Variants in WNT3A observed in about 807,000 individuals in gnomAD.
WNT3A encodes protein Wnt-3a.
In WNT3A, 17 loss-of-function variants were observed where a neutral mutation model predicts 37.0. That is an observed-to-expected ratio of 0.46 (90% CI 0.31 to 0.69). The LOEUF is 0.69. Ranked by LOEUF, WNT3A falls within the 30% of genes least tolerant of loss-of-function variation. The pLI is 0.05. For missense variants in WNT3A, 411 were observed against 510.2 expected (o/e 0.81, Z 1.87); for synonymous variants, 187 against 211.0 (o/e 0.89, Z 0.99).
At chr1:228,036,503 T>G (rs143468488) in intron 2 of WNT3A, among the ~76,000 whole-genome samples, 1,843 of 152,238 alleles carry the variant, frequency 0.012, 17 homozygotes, top group Middle Eastern at 0.02. Context: ...GCCACCAGAC[T>G]GAGGCTGGGA....
intron 3 of WNT3A, among the ~76,000 whole-genome samples, chr1:228,051,604 TGG>T (rs995722897): frequency 1.3e-5 from 2 of 152,176 alleles, no homozygotes; most frequent in African/African-American, 4.8e-5. Context: ...CTGCTCCTCA[TGG>T]ATGATGCCTT....
chr1:228,048,450 C>G (rs941870975), intron 2 of WNT3A, among the ~76,000 whole-genome samples: 13 of 152,254 alleles, frequency 8.5e-5, no homozygotes, highest in African/African-American at 3.1e-4. Flanking sequence ...AGGTCAGGCT[C>G]TTTCCTGGTT....
intron 2 of WNT3A, among the ~76,000 whole-genome samples, chr1:228,046,043 G>A (rs2031396352): frequency 6.6e-6 from 1 of 152,208 alleles, no homozygotes; most frequent in African/African-American, 2.4e-5. Context: ...ATCCCTGGCC[G>A]CTCCCCTCAG....
chr1:228,049,767 C>G (rs1377832286), intron 2 of WNT3A, among the ~76,000 whole-genome samples: 2 of 152,144 alleles, frequency 1.3e-5, no homozygotes, highest in Non-Finnish European at 2.9e-5. Context: ...GACCATCTTT[C>G]CAGGTGCATG....
At chr1:228,024,367 G>A (rs754958786) in intron 2 of WNT3A, among the ~76,000 whole-genome samples, 10 of 152,236 alleles carry the variant, frequency 6.6e-5, no homozygotes, top group Non-Finnish European at 1.5e-5. Flanking sequence ...CCATCCTAGA[G>A]TGTGAAGTAG....
chr1:228,039,223 T>A lies in WNT3A; in HGVS notation c.314-11433T>A, dbSNP rs2031217803. Among the ~76,000 whole-genome samples the A allele has an allele frequency of 2.6e-5, 4 of 152,038 alleles. No homozygotes were observed. On this transcript the variant is annotated intron_variant, in intron 2 of 3. Transcript: ENST00000284523. This position sits in a 1 kb window ranked among gnomAD's most constrained non-coding sequence, Gnocchi z 4.1. ...CATGGGTCAACATCAAGAAGCAGAC[T>A]GGGCAAAGGCGGCATCCCAAGCTCC... is the stretch of plus-strand genomic sequence containing the variant.
intron 2 of WNT3A, among the ~76,000 whole-genome samples, chr1:228,023,420 G>GA (rs1250599155): frequency 2.0e-5 from 3 of 151,822 alleles, no homozygotes; most frequent in African/African-American, 7.3e-5. Flanking sequence ...GAGAGACAGA[G>GA]AAAGACACAC....
chr1:228,045,724 G>T (rs553826518), intron 2 of WNT3A, among the ~76,000 whole-genome samples: 1 of 152,206 alleles, frequency 6.6e-6, no homozygotes, highest in Non-Finnish European at 1.5e-5. Context: ...AGGTGCGGAG[G>T]AGGTGGCTGC....
At chr1:228,034,258 T>C (rs1008618114) in intron 2 of WNT3A, among the ~76,000 whole-genome samples, 2 of 152,078 alleles carry the variant, frequency 1.3e-5, no homozygotes, top group Non-Finnish European at 2.9e-5. Context: ...TGAGACTCTG[T>C]CTCAAAAAAA....
intron 1 of WNT3A, among the ~76,000 whole-genome samples, chr1:228,011,546 A>G (rs529104871): frequency 5.3e-5 from 8 of 149,640 alleles, no homozygotes; most frequent in African/African-American, 1.7e-4. Flanking sequence ...TCTTCCCTGT[A>G]TCTGTCTCTG....
chr1:228,030,841 C>G (rs1386131159), intron 2 of WNT3A, among the ~76,000 whole-genome samples: 2 of 152,262 alleles, frequency 1.3e-5, no homozygotes, highest in Non-Finnish European at 2.9e-5. Flanking sequence ...GCTTCACAGC[C>G]TCTGGTCAGC....
At chr1:228,018,524 C>G (rs762905569) in intron 1 of WNT3A, among the ~76,000 whole-genome samples, 1 of 151,954 alleles carries the variant, frequency 6.6e-6, no homozygotes, top group Non-Finnish European at 1.5e-5. Flanking sequence ...TCCCAAGCAG[C>G]GGGGACTACA....
At chr1:228,009,668 C>A (rs990611693) in intron 1 of WNT3A, among the ~76,000 whole-genome samples, 8 of 152,172 alleles carry the variant, frequency 5.3e-5, no homozygotes, top group Non-Finnish European at 1.0e-4. Flanking sequence ...CCACCATCAC[C>A]GGCACATGAA....
At chr1:228,054,627 C>CAAA (rs61497242) in intron 3 of WNT3A, among the ~76,000 whole-genome samples, 4 of 58,502 alleles carry the variant, frequency 6.8e-5, no homozygotes, top group African/African-American at 1.3e-4. Context: ...GACTCTGTCT[C>CAAA]AAAAAAAAAA....
rs1033989725 is a variant in WNT3A, at chr1:228,059,435, G to T, written c.1029G>T (p.Thr343=). Residue 343 remains threonine (T), a synonymous_variant, in exon 4 of 4, where the codon ACG becomes ACT. Coordinates refer to ENST00000284523, the MANE Select transcript of WNT3A (RefSeq NM_033131.4). ...GCTACGTCAGCTGCCAGGAGTGCAC[G>T]CGCGTCTACGACGTGCACACCTGCA... ...WCCYVSCQEC[T]RVYDVHTCK is the part of the protein sequence containing the mutation. The T allele has an allele frequency of 6.5e-7, 1 of 1,534,528 alleles. No homozygotes were observed. The highest frequency in any genetic ancestry group is 1.2e-5 in the South Asian group (1 of 80,050).
At position 228,022,809 on chromosome 1, in the gene WNT3A, A is replaced by G. The variant is rs772847803; in HGVS notation, c.214A>G (p.Ile72Val). The G allele has an allele frequency of 3.1e-6, 5 of 1,613,994 alleles. No homozygotes were observed. The highest frequency in any genetic ancestry group is 2.2e-5 in the East Asian group (1 of 44,900). The change falls in exon 2 of 4, where the codon ATT (isoleucine) becomes GTT (valine). Residue 72 changes from isoleucine to valine, a missense_variant. Ile to Val is a conservative substitution (Grantham distance 29). Coordinates refer to ENST00000284523, the MANE Select transcript of WNT3A (RefSeq NM_033131.4). ...GCCCAGCGTGGCCGAGGGCATCAAG[A>G]TTGGCATCCAGGAGTGCCAGCACCA... ...IMPSVAEGIK[I>V]GIQECQHQFR...
intron 3 of WNT3A, 147 bp downstream of exon 3, chr1:228,051,068 C>A: frequency 1.8e-6 from 2 of 1,099,560 alleles, no homozygotes; most frequent in Non-Finnish European, 2.5e-6. Context: ...GTGTGCGAAG[C>A]TTAGCACCAT....
intron 1 of WNT3A, among the ~76,000 whole-genome samples, chr1:228,009,371 T>C (rs879535530): frequency 2.0e-5 from 3 of 152,198 alleles, no homozygotes; most frequent in Non-Finnish European, 4.4e-5. Context: ...GCTGGACCCC[T>C]GCCGCTGGCA....
At chr1:228,026,789 T>C (rs2030863054) in intron 2 of WNT3A, among the ~76,000 whole-genome samples, 1 of 152,238 alleles carries the variant, frequency 6.6e-6, no homozygotes, top group Admixed American at 6.5e-5. Flanking sequence ...AATGACATTA[T>C]GTAAATCCTG....
Sources: gnomAD v4.1 joint callset for allele counts (sites outside exome capture counted in the v4.1 genomes callset) on GRCh38, gnomAD v4.1.1 for gene constraint, Gnocchi (gnomAD v3.1) non-coding constraint, MANE v1.5 for transcripts, NCBI Gene and HGNC (gene_info 2026-07-23, HGNC 2026-07-21) for gene names.